The following ASH1L variants were observed in gnomAD, a reference collection of about 807,000 sequenced individuals.
ASH1L encodes the protein histone-lysine N-methyltransferase ASH1L.
In ASH1L, 23 loss-of-function variants were observed where a neutral mutation model predicts 269.0. The ratio of observed to expected loss-of-function variants is 0.09; its 90% CI spans 0.06 to 0.12. The LOEUF is 0.12. Among genes scored for constraint, ASH1L ranks in the 10% least tolerant of loss-of-function variants. The probability of loss-of-function intolerance (pLI) is 1.00; values close to 1 mark genes in which losing one functional copy is unlikely to be tolerated. For synonymous variants in ASH1L, 1,187 were observed against 1,253.5 expected (o/e 0.95, Z 1.12); for missense variants, 2,912 against 3,567.8 (o/e 0.82, Z 4.68).
intron 4 of ASH1L, among the ~76,000 whole-genome samples, chr1:155,449,026 C>T (rs140282381): frequency 6.4e-4 from 98 of 152,116 alleles, no homozygotes; most frequent in Non-Finnish European, 1.1e-3. Context: ...CTCCACCTCC[C>T]GAGGTCAAGT....
chr1:155,341,884 G>A (rs373577435), intron 25 of ASH1L, 52 bp downstream of exon 25: 110 of 1,567,762 alleles, frequency 7.0e-5, no homozygotes, highest in Middle Eastern at 1.7e-4. Context: ...TGAATTTCAT[G>A]CATGAACCAG....
intron 12 of ASH1L, among the ~76,000 whole-genome samples, chr1:155,365,119 C>T (rs1255329514): frequency 2.6e-5 from 4 of 152,042 alleles, no homozygotes; most frequent in Non-Finnish European, 5.9e-5. Context: ...ATCTTTCTGG[C>T]GATCACGAAG....
chr1:155,473,439 C>T (rs1665262064), intron 3 of ASH1L, among the ~76,000 whole-genome samples: 1 of 151,978 alleles, frequency 6.6e-6, no homozygotes. Flanking sequence ...TCCCTACAAG[C>T]GACCTTCATC....
At chr1:155,530,011 C>A (rs1669551123) in intron 1 of ASH1L, among the ~76,000 whole-genome samples, 1 of 151,904 alleles carries the variant, frequency 6.6e-6, no homozygotes, top group African/African-American at 2.4e-5. Flanking sequence ...CCTTCTGTTT[C>A]TCAAACACAA....
intron 1 of ASH1L, among the ~76,000 whole-genome samples, chr1:155,549,117 T>A (rs182925507): frequency 2.1e-4 from 32 of 152,298 alleles, no homozygotes; most frequent in African/African-American, 6.0e-4. Context: ...CAGAGATGAT[T>A]TAGAGTATAC....
chr1:155,337,353 G>A lies in ASH1L; in HGVS notation c.*307C>T, dbSNP rs575807974. ...ACAGAAAAACCTAAGCTGTGGGGTG[G>A]GGCAAATGCTATAAAGTACCAGTAG... On this transcript the variant is annotated 3_prime_UTR_variant, in exon 28 of 28. Coordinates refer to ENST00000392403, the MANE Select transcript of ASH1L (RefSeq NM_018489.3). 13 of 205,222 alleles carry A rather than the reference G, an allele frequency of 6.3e-5. No homozygotes were observed. In the Middle Eastern group the frequency reaches 5.7e-3, roughly 90 times the overall value. The allele number at this position is 205,222 out of a possible 1,614,324, so 12.7% of individuals were successfully genotyped here. A position where few individuals can be genotyped will look rare whatever the true frequency, so the allele number is the denominator to read the frequency against.
At chr1:155,552,981 TATAA>T (rs973217062) in intron 1 of ASH1L, among the ~76,000 whole-genome samples, 41 of 152,334 alleles carry the variant, frequency 2.7e-4, no homozygotes, top group African/African-American at 9.4e-4. Flanking sequence ...AACTCTATGC[TATAA>T]ATATTATCAT....
intron 2 of ASH1L, among the ~76,000 whole-genome samples, chr1:155,499,149 CA>C (rs1372107069): frequency 6.6e-6 from 1 of 152,020 alleles, no homozygotes; most frequent in African/African-American, 2.4e-5. Context: ...TAAGCCAAAA[CA>C]TGTTACTAGC....
intron 3 of ASH1L, among the ~76,000 whole-genome samples, chr1:155,470,444 G>A (rs1352538163): frequency 1.3e-5 from 2 of 151,278 alleles, no homozygotes; most frequent in Admixed American, 1.3e-4. Flanking sequence ...GGCCAACAGA[G>A]TGAGTCTGTC....
At chr1:155,510,787 T>C (rs1047222495) in intron 2 of ASH1L, among the ~76,000 whole-genome samples, 1 of 152,114 alleles carries the variant, frequency 6.6e-6, no homozygotes, top group Non-Finnish European at 1.5e-5. Flanking sequence ...TCTCGCTCTG[T>C]CACCCAGACT....
At chr1:155,351,745 G>A (rs2148351280) in intron 17 of ASH1L, among the ~76,000 whole-genome samples, 1 of 152,036 alleles carries the variant, frequency 6.6e-6, no homozygotes, top group South Asian at 2.1e-4. Context: ...AGCTACTCAA[G>A]AAGGCTGAGG....
intron 1 of ASH1L, among the ~76,000 whole-genome samples, chr1:155,529,963 C>CA (rs1030952427): frequency 7.5e-5 from 11 of 147,214 alleles, no homozygotes; most frequent in South Asian, 2.1e-4. Context: ...GACTCTGTCT[C>CA]AAAAAAAAAT....
chr1:155,372,589 G>A (rs1042811749), intron 10 of ASH1L, among the ~76,000 whole-genome samples: 14 of 151,492 alleles, frequency 9.2e-5, no homozygotes, highest in Admixed American at 3.3e-4. Context: ...GATTACAGGC[G>A]TGAGCCATTG....
rs374394671 is a variant in ASH1L at position 155,481,616 on chromosome 1, A to G, written c.1254T>C (p.Ser418=). Residue 418 remains serine, a synonymous_variant, in exon 3 of 28, where the codon AGT becomes AGC. Coordinates refer to ENST00000392403, the MANE Select transcript of ASH1L (RefSeq NM_018489.3). Reference sequence around the variant, plus strand: ...CGGCTTTAAGGTTTATGGCATCTTTACTGATCAGACCTGCCAAAGGACAAC... The same window carrying G: ...CGGCTTTAAGGTTTATGGCATCTTTGCTGATCAGACCTGCCAAAGGACAAC... ...LMSCPLAGLI[S]KDAINLKAEA... 6.2e-7 allele frequency: 1 copy of G among 1,614,150 alleles called. No individual in the cohort carries two copies.
intron 5 of ASH1L, among the ~76,000 whole-genome samples, chr1:155,429,445 T>C (rs963068301): frequency 6.6e-6 from 1 of 152,090 alleles, no homozygotes; most frequent in Non-Finnish European, 1.5e-5. Flanking sequence ...GCTAACTTTT[T>C]GTATTCTTAG....
At chr1:155,531,304 T>C (rs1377032971) in intron 1 of ASH1L, among the ~76,000 whole-genome samples, 1 of 152,128 alleles carries the variant, frequency 6.6e-6, no homozygotes, top group Non-Finnish European at 1.5e-5. Flanking sequence ...CATGTCTTAA[T>C]ATGTATAACT....
At chr1:155,433,871 A>G (rs1661834722) in intron 5 of ASH1L, 3 of 1,604,542 alleles carry the variant, frequency 1.9e-6, no homozygotes, top group African/African-American at 2.7e-5. Flanking sequence ...GCAGGCTCGA[A>G]AGAGAAAGCG....
At chr1:155,422,577 G>C (rs534502964) in intron 5 of ASH1L, among the ~76,000 whole-genome samples, 2 of 151,612 alleles carry the variant, frequency 1.3e-5, no homozygotes, top group Non-Finnish European at 2.9e-5. Flanking sequence ...TTTCTTAATA[G>C]CATCTGGGAA....
At chr1:155,463,442 A>G (rs902224306) in intron 3 of ASH1L, among the ~76,000 whole-genome samples, 1 of 152,124 alleles carries the variant, frequency 6.6e-6, no homozygotes, top group Admixed American at 6.5e-5. Context: ...AAAATTCAAA[A>G]TGTTTTATAA....
Sources: gnomAD v4.1 joint callset for allele counts (sites outside exome capture counted in the v4.1 genomes callset) on GRCh38, gnomAD v4.1.1 for gene constraint, MANE v1.5 for transcripts, NCBI Gene and HGNC (gene_info 2026-07-23, HGNC 2026-07-21) for gene names.